The following UACA variants were observed in gnomAD, a reference collection of about 807,000 sequenced individuals.
UACA encodes the protein uveal autoantigen with coiled-coil domains and ankyrin repeats.
UACA carries 112 observed loss-of-function variants against 160.5 expected under a neutral mutation model. The ratio of observed to expected loss-of-function variants is 0.70; its 90% CI spans 0.60 to 0.82. The LOEUF is 0.82. UACA is among the 40% of genes least tolerant of loss of function. UACA has a pLI of 0.00. For missense variants in UACA, 1,574 were observed against 1,614.6 expected (o/e 0.97, Z 0.43); for synonymous variants, 557 against 568.4 (o/e 0.98, Z 0.29).
intron 1 of UACA, among the ~76,000 whole-genome samples, chr15:70,745,051 TG>T (rs1348304191): frequency 6.6e-6 from 1 of 152,190 alleles, no homozygotes; most frequent in South Asian, 2.1e-4. Flanking sequence ...GGGAAAAATA[TG>T]TATTTTGACC....
At chr15:70,658,207 A>T (rs1896553999) in intron 18 of UACA, among the ~76,000 whole-genome samples, 5 of 152,250 alleles carry the variant, frequency 3.3e-5, no homozygotes, top group Admixed American at 2.6e-4. Context: ...TGTCACAGAA[A>T]TCTTTCCCTT....
intron 13 of UACA, among the ~76,000 whole-genome samples, chr15:70,674,859 A>G (rs1465708995): frequency 6.6e-6 from 1 of 152,182 alleles, no homozygotes; most frequent in East Asian, 1.9e-4. Context: ...TGGCCTCCCA[A>G]AAGTGCGGGG....
At position 70,729,647 on chromosome 15, in the gene UACA, A is replaced by T. The variant is rs892316133; in HGVS notation, c.79-29987T>A. Among the ~76,000 whole-genome samples, 4 of 135,434 alleles carry T rather than the reference A, an allele frequency of 3.0e-5. No individual in the cohort carries two copies. The South Asian group carries it at 6.6e-4, about 22-fold the overall frequency. The allele number at this position is 135,434 out of a possible 152,430, so 88.8% of individuals were successfully genotyped here. ...TGGTTAAAAATTCTCAACAAGAAAA[A>T]GCTGTGGAGGGAGGAGCCAAGATGG... On this transcript the variant is annotated intron_variant, in intron 1 of 18. Transcript: ENST00000322954.
intron 1 of UACA, among the ~76,000 whole-genome samples, chr15:70,758,013 A>T (rs1003704474): frequency 2.0e-5 from 3 of 152,250 alleles, no homozygotes; most frequent in Non-Finnish European, 4.4e-5. Context: ...ACTGCTGAGC[A>T]AAGTCTACTT....
Position 70,667,444 on chromosome 15 carries a change from C to T in UACA, c.3240G>A (p.Thr1080=), listed in dbSNP as rs749286770. ...KQLKDLSQKY[T]EVKNVKEKLV... ...GCTTCTCTTTCACATTCTTTACTTC[C>T]GTGTATTTCTGTGACAAGTCTTTTA... Residue 1080 remains threonine (T), a synonymous_variant, in exon 16 of 19, where the codon ACG becomes ACA. Coordinates refer to ENST00000322954, the MANE Select transcript of UACA (RefSeq NM_018003.4). 41 of 1,609,742 alleles carry T rather than the reference C, an allele frequency of 2.5e-5. No individual in the cohort carries two copies. The highest frequency in any genetic ancestry group is 4.0e-5 in the African/African-American group (3 of 74,806).
chr15:70,740,903 G>T (rs555050057), intron 1 of UACA, among the ~76,000 whole-genome samples: 2 of 151,252 alleles, frequency 1.3e-5, no homozygotes, highest in South Asian at 2.1e-4. Context: ...GCCAGGCGTC[G>T]TGGTGGGCGC....
rs758240181 is a variant in UACA at position 70,666,923 on chromosome 15, T to C, written c.3761A>G (p.Tyr1254Cys). 6.2e-7 allele frequency: 1 copy of C among 1,613,212 alleles called. No individual in the cohort carries two copies. The highest frequency in any genetic ancestry group is 8.5e-7 in the Non-Finnish European group (1 of 1,179,870). ...CAAAACTTCCTCACATACTTCCTCA[T>C]ACTTTCTATTCAGATTGGCCAATTT... ...NEKLANLNRK[Y>C]EEVCEEVLHA... Residue 1254 changes from tyrosine (Y) to cysteine (C), a missense_variant, in exon 16 of 19, where the codon TAT becomes TGT. Tyr to Cys is a radical substitution (Grantham distance 194). Coordinates refer to ENST00000322954, the MANE Select transcript of UACA (RefSeq NM_018003.4).
At chr15:70,687,417 C>T (rs1306519374) in intron 7 of UACA, 123 bp downstream of exon 7, 23 of 801,228 alleles carry the variant, frequency 2.9e-5, no homozygotes, top group Admixed American at 4.8e-5. Context: ...GAAAAGCAAG[C>T]CAGGGAAGGG....
At chr15:70,764,096 C>G (rs535686184), upstream of UACA, among the ~76,000 whole-genome samples, 2 of 152,274 alleles carry the variant, frequency 1.3e-5, no homozygotes, top group East Asian at 1.9e-4. Flanking sequence ...TGCAGAAAAA[C>G]GTACAGTTAA....
At chr15:70,755,391 C>T (rs1031128818) in intron 1 of UACA, among the ~76,000 whole-genome samples, 2 of 151,576 alleles carry the variant, frequency 1.3e-5, no homozygotes, top group Non-Finnish European at 2.9e-5. Context: ...AGAATGAGGC[C>T]GGGGGCAGTG....
intron 16 of UACA, among the ~76,000 whole-genome samples, chr15:70,665,800 A>T (rs1483098792): frequency 6.6e-6 from 1 of 152,188 alleles, no homozygotes; most frequent in African/African-American, 2.4e-5. Context: ...AGTACTTTCC[A>T]CTGGGGAGGG....
chr15:70,659,312 T>A (rs991891252), intron 18 of UACA, among the ~76,000 whole-genome samples: 2 of 151,554 alleles, frequency 1.3e-5, no homozygotes, highest in African/African-American at 4.8e-5. Context: ...CTTTTTATTA[T>A]TTTATCTAGT....
intron 1 of UACA, chr15:70,701,983 T>A: frequency 6.3e-7 from 1 of 1,599,096 alleles, no homozygotes; most frequent in Non-Finnish European, 8.5e-7. Flanking sequence ...CTCTGTAAGC[T>A]CACAAAGCAA....
chr15:70,728,512 G>A (rs186653796), intron 1 of UACA, among the ~76,000 whole-genome samples: 60 of 148,568 alleles, frequency 4.0e-4, no homozygotes, highest in Admixed American at 1.1e-3. Flanking sequence ...GCGGTGAGCC[G>A]AGATTGCACC....
chr15:70,691,361 T>C lies in UACA; in HGVS notation c.304A>G (p.Arg102Gly). The change falls in exon 4 of 19, where the codon AGA becomes GGA. Residue 102 changes from arginine to glycine, a missense_variant and splice_region_variant. By Grantham distance (125) the Arg-to-Gly change is moderately radical. Coordinates refer to ENST00000322954, the MANE Select transcript of UACA (RefSeq NM_018003.4). Reference sequence around the variant, plus strand: ...TTAGCAGCCAGGTGAAGAGCATTTCTCCCTATAAATAATTTAAGATACATG... The same window carrying C: ...TTAGCAGCCAGGTGAAGAGCATTTCCCCCTATAAATAATTTAAGATACATG... ...VDITTSDTAGRNALHLAAKYG... is the reference protein window; with the variant it reads ...VDITTSDTAGGNALHLAAKYG... 1 of 1,604,562 alleles carries C rather than the reference T, an allele frequency of 6.2e-7. No homozygotes were observed. Among genetic ancestry groups the C allele is most frequent in the Non-Finnish European group, 8.5e-7 (1 of 1,174,482 alleles).
intron 5 of UACA, among the ~76,000 whole-genome samples, chr15:70,688,038 G>A (rs750468930): frequency 5.3e-5 from 8 of 152,144 alleles, no homozygotes; most frequent in Admixed American, 1.3e-4. Flanking sequence ...AAGGAATAAC[G>A]TCAACCTTGT....
At position 70,687,618 on chromosome 15, in the gene UACA, G is replaced by A. The variant is rs774044627; in HGVS notation, c.524C>T (p.Thr175Ile). The change falls in exon 7 of 19, where the codon ACT becomes ATT. Residue 175 changes from threonine to isoleucine, a missense_variant. Physicochemically the swap from Thr to Ile is moderately conservative, Grantham distance 89 (BLOSUM62 -1). Transcript: ENST00000322954. ...ACATATTGTTGGCCTACTCATCTGA[G>A]TAGCCAGAACAAGTGGTGTCCGCCC... ...VDGRTPLVLA[T>I]QMSRPTICQL... 4 of 1,613,906 alleles carry A rather than the reference G, an allele frequency of 2.5e-6. No homozygotes were observed. The highest frequency in any genetic ancestry group is 2.5e-6 in the Non-Finnish European group (3 of 1,179,862).
At chr15:70,682,848 G>T in intron 8 of UACA, 53 bp from the exon 9 acceptor site, 1 of 1,283,210 alleles carries the variant, frequency 7.8e-7, no homozygotes, top group Non-Finnish European at 1.1e-6. Flanking sequence ...ACTTGGGGTA[G>T]GTACGCATTC....
At chr15:70,748,046 G>C (rs902645812) in intron 1 of UACA, among the ~76,000 whole-genome samples, 1 of 152,032 alleles carries the variant, frequency 6.6e-6, no homozygotes, top group East Asian at 1.9e-4. Context: ...ATGCAACCTA[G>C]TGCCTGGCAT....
Sources: gnomAD v4.1 joint callset for allele counts (sites outside exome capture counted in the v4.1 genomes callset) on GRCh38, gnomAD v4.1.1 for gene constraint, MANE v1.5 for transcripts, NCBI Gene and HGNC (gene_info 2026-07-23, HGNC 2026-07-21) for gene names.